Variants in ADAMTS3 observed in about 807,000 individuals in gnomAD.
The protein encoded by ADAMTS3 is A disintegrin and metalloproteinase with thrombospondin motifs 3.
ADAMTS3 carries 73 observed loss-of-function variants against 129.0 expected under a neutral mutation model. The ratio of observed to expected loss-of-function variants is 0.57; its 90% CI spans 0.47 to 0.69. The LOEUF is 0.69. Among genes scored for constraint, ADAMTS3 ranks in the 30% least tolerant of loss-of-function variants. ADAMTS3 has a pLI of 0.00. For synonymous variants in ADAMTS3, 477 were observed against 510.8 expected, an observed-to-expected ratio of 0.93 and a Z score of 0.89; for missense variants, 1,457 against 1,514.5, an observed-to-expected ratio of 0.96 and a Z score of 0.63.
At chr4:72,400,203 TGC>T in intron 4 of ADAMTS3, among the ~76,000 whole-genome samples, 1 of 138,852 alleles carries the variant, frequency 7.2e-6, no homozygotes, top group African/African-American at 2.7e-5. Context: ...TGTGTATATA[TGC>T]ACACATGGTG....
chr4:72,493,621 C>T (rs1209793061), intron 3 of ADAMTS3, among the ~76,000 whole-genome samples: 2 of 151,986 alleles, frequency 1.3e-5, no homozygotes, highest in South Asian at 2.1e-4. Flanking sequence ...GTAATTTATG[C>T]ACCACTTTGA....
chr4:72,311,682 T>C (rs1304742635), intron 13 of ADAMTS3, among the ~76,000 whole-genome samples: 1 of 152,142 alleles, frequency 6.6e-6, no homozygotes, highest in Non-Finnish European at 1.5e-5. Flanking sequence ...CTCTTTCCTT[T>C]AACATGGATT....
At chr4:72,325,122 A>T (rs1719667042) in intron 5 of ADAMTS3, among the ~76,000 whole-genome samples, 1 of 152,162 alleles carries the variant, frequency 6.6e-6, no homozygotes, top group African/African-American at 2.4e-5. Context: ...ATGGAAAAGA[A>T]AAACAAGAAT....
intron 3 of ADAMTS3, among the ~76,000 whole-genome samples, chr4:72,505,628 A>G (rs1720141428): frequency 6.6e-6 from 1 of 152,034 alleles, no homozygotes; most frequent in Non-Finnish European, 1.5e-5. Context: ...AGGCACATGC[A>G]CAAGTGCTAA....
intron 2 of ADAMTS3, among the ~76,000 whole-genome samples, chr4:72,550,075 G>A (rs2366300): frequency 0.63 from 9,697 of 15,300 alleles, 3,114 homozygotes; most frequent in East Asian, 0.7. Context: ...AAGAGGAAGA[G>A]GAAGAGGAAG....
At chr4:72,486,091 G>A (rs1403881132) in intron 3 of ADAMTS3, among the ~76,000 whole-genome samples, 3 of 152,100 alleles carry the variant, frequency 2.0e-5, no homozygotes, top group African/African-American at 4.8e-5. Flanking sequence ...TACCTAGTAC[G>A]TGCCTTCATG....
chr4:72,535,967 G>A (rs930694061), intron 3 of ADAMTS3, among the ~76,000 whole-genome samples: 1 of 152,026 alleles, frequency 6.6e-6, no homozygotes, highest in African/African-American at 2.4e-5. Flanking sequence ...TGTGACTTAC[G>A]CCAGGTTAAT....
intron 12 of ADAMTS3, 122 bp from the exon 13 acceptor site, chr4:72,312,588 C>T (rs1719272543): frequency 1.2e-6 from 1 of 812,206 alleles, no homozygotes; most frequent in African/African-American, 1.7e-5. Flanking sequence ...AGTGAATGAA[C>T]TCATACTTCC....
chr4:72,489,086 C>A (rs2110013215), intron 3 of ADAMTS3, among the ~76,000 whole-genome samples: 2 of 152,034 alleles, frequency 1.3e-5, no homozygotes, highest in South Asian at 4.1e-4. Flanking sequence ...CAGATTCATC[C>A]ATGTTGTCAC....
intron 17 of ADAMTS3, among the ~76,000 whole-genome samples, chr4:72,300,243 G>A (rs1200808874): frequency 6.6e-6 from 1 of 151,992 alleles, no homozygotes; most frequent in Non-Finnish European, 1.5e-5. Flanking sequence ...GAAAAGCAAT[G>A]TCATAATGAT....
intron 3 of ADAMTS3, among the ~76,000 whole-genome samples, chr4:72,481,259 A>C (rs1220091071): frequency 3.3e-5 from 5 of 152,204 alleles, no homozygotes; most frequent in Non-Finnish European, 7.4e-5. Context: ...AATTTTGAAA[A>C]ATAATAAAGC....
chr4:72,402,412 C>T (rs1455918816), intron 4 of ADAMTS3, among the ~76,000 whole-genome samples: 1 of 152,030 alleles, frequency 6.6e-6, no homozygotes, highest in Non-Finnish European at 1.5e-5. Context: ...CAATAACATA[C>T]CTTGCATCAA....
intron 15 of ADAMTS3, among the ~76,000 whole-genome samples, chr4:72,308,175 C>T (rs1023798524): frequency 1.6e-4 from 24 of 151,776 alleles, no homozygotes; most frequent in African/African-American, 3.6e-4. Flanking sequence ...ATATAATACA[C>T]GTATATAATT....
chr4:72,414,593 T>C (rs1722258264), intron 4 of ADAMTS3, among the ~76,000 whole-genome samples: 1 of 151,984 alleles, frequency 6.6e-6, no homozygotes, highest in Non-Finnish European at 1.5e-5. Flanking sequence ...AAAGAAGTCA[T>C]ATCAGGGATA....
intron 4 of ADAMTS3, among the ~76,000 whole-genome samples, chr4:72,378,413 G>A (rs946359852): frequency 6.6e-6 from 1 of 152,262 alleles, no homozygotes; most frequent in Non-Finnish European, 1.5e-5. Flanking sequence ...GTTTATAACA[G>A]AAACTATTTA....
At chr4:72,463,174 G>A (rs1261246198) in intron 3 of ADAMTS3, among the ~76,000 whole-genome samples, 2 of 151,980 alleles carry the variant, frequency 1.3e-5, no homozygotes, top group Non-Finnish European at 2.9e-5. Flanking sequence ...TACTGTACAG[G>A]TTTGTAGCCT....
chr4:72,541,882 C>A (rs1721337173), intron 3 of ADAMTS3, among the ~76,000 whole-genome samples: 1 of 152,074 alleles, frequency 6.6e-6, no homozygotes, highest in South Asian at 2.1e-4. Context: ...TTCATAGCAG[C>A]ATTAAAATGG....
intron 3 of ADAMTS3, among the ~76,000 whole-genome samples, chr4:72,526,710 G>C (rs1415851272): frequency 3.7e-5 from 5 of 133,432 alleles, no homozygotes; most frequent in African/African-American, 5.6e-5. Flanking sequence ...CACATATATA[G>C]AGACAGAAAA....
intron 2 of ADAMTS3, among the ~76,000 whole-genome samples, chr4:72,561,359 A>T (rs1309669767): frequency 6.6e-6 from 1 of 151,564 alleles, no homozygotes; most frequent in African/African-American, 2.4e-5. Flanking sequence ...AAAGAAAGAA[A>T]AGAAAAAGGA....
Sources: allele counts gnomAD v4.1 joint callset (sites outside exome capture counted in the v4.1 genomes callset), GRCh38; gene constraint gnomAD v4.1.1; transcripts MANE v1.5; gene names NCBI Gene and HGNC (gene_info 2026-07-23, HGNC 2026-07-21).